The following SPECC1 variants were observed in gnomAD, a reference collection of about 807,000 sequenced individuals.
SPECC1 encodes the protein cytospin-B.
A neutral mutation model predicts 104.1 loss-of-function variants in SPECC1; 62 were observed. That is an observed-to-expected ratio of 0.60 (90% CI 0.49 to 0.74). The LOEUF (loss-of-function observed/expected upper bound fraction) is 0.74, where lower values mean the gene tolerates loss of function less well. Ranked by LOEUF, SPECC1 falls within the 30% of genes least tolerant of loss-of-function variation. The pLI is 0.00. For missense variants in SPECC1, 1,306 were observed against 1,310.5 expected, an observed-to-expected ratio of 1.00 and a Z score of 0.05; for synonymous variants, 513 against 501.6, an observed-to-expected ratio of 1.02 and a Z score of -0.30.
At chr17:20,156,045 G>C in intron 3 of SPECC1, 1 of 1,277,526 alleles carries the variant, frequency 7.8e-7, no homozygotes, top group South Asian at 2.5e-5. Flanking sequence ...TCCGCCGGCA[G>C]CTGCTGGGAA....
chr17:20,287,090 C>G (rs1365453045), intron 12 of SPECC1, among the ~76,000 whole-genome samples: 1 of 152,220 alleles, frequency 6.6e-6, no homozygotes, highest in Non-Finnish European at 1.5e-5. Flanking sequence ...CTCATAGCCT[C>G]TGTACGTGGT....
chr17:20,238,582 A>T, intron 7 of SPECC1: 1 of 1,043,010 alleles, frequency 9.6e-7, no homozygotes, highest in Non-Finnish European at 1.2e-6. Flanking sequence ...GACAGCACAG[A>T]ATCATTAGAA....
intron 1 of SPECC1, among the ~76,000 whole-genome samples, chr17:20,049,803 TTTTC>T (rs1483978583): frequency 2.6e-5 from 4 of 152,000 alleles, no homozygotes; most frequent in Admixed American, 6.6e-5. Context: ...CATTTTTTTC[TTTTC>T]TTTCTTTATT....
intron 2 of SPECC1, 126 bp downstream of exon 2, chr17:20,096,924 C>T: frequency 8.3e-7 from 1 of 1,200,928 alleles, no homozygotes; most frequent in East Asian, 2.4e-5. Flanking sequence ...GGAGGGGTCG[C>T]AGGAGGACCA....
chr17:20,246,994 G>A (rs1567981453), intron 8 of SPECC1, among the ~76,000 whole-genome samples: 1 of 152,024 alleles, frequency 6.6e-6, no homozygotes, highest in Non-Finnish European at 1.5e-5. Flanking sequence ...GTTTCTTTTT[G>A]CTCAGCTATC....
intron 12 of SPECC1, among the ~76,000 whole-genome samples, chr17:20,281,006 A>G (rs976325874): frequency 1.3e-5 from 2 of 152,188 alleles, no homozygotes; most frequent in African/African-American, 4.8e-5. Flanking sequence ...AGGAGGAAGG[A>G]GCGGGTCACA....
At chr17:20,308,860 T>A (rs1483754304) in intron 14 of SPECC1, among the ~76,000 whole-genome samples, 1 of 152,238 alleles carries the variant, frequency 6.6e-6, no homozygotes, top group African/African-American at 2.4e-5. Context: ...AGGATAAAGA[T>A]ACAATGAGAC....
At position 20,080,425 on chromosome 17, in the gene SPECC1, G is replaced by A. The variant is rs1044837207; in HGVS notation, c.-21-16206G>A. The stretch of plus-strand genomic sequence containing the variant: ...ATAAGCCAGCAACACATTACAACCC[G>A]GGGGATCAGAGGGTCCCTCTGAGAC... On this transcript the variant is annotated intron_variant, in intron 1 of 14. Coordinates refer to ENST00000395527, the MANE Select transcript of SPECC1 (RefSeq NM_001243439.2). 5.3e-5 allele frequency among the ~76,000 whole-genome samples: 8 copies of A among 152,034 alleles called. 1 individual carries two copies. Among genetic ancestry groups the A allele is most frequent in the Non-Finnish European group, 1.0e-4 (7 of 68,006 alleles).
At position 20,150,564 on chromosome 17, in the gene SPECC1, G is replaced by T. The variant is rs556573066; in HGVS notation, c.283+40002G>T. 1.1e-4 allele frequency among the ~76,000 whole-genome samples: 17 copies of T among 151,634 alleles called. 1 individual carries two copies. The highest frequency in any genetic ancestry group is 4.1e-4 in the African/African-American group (17 of 41,384). ...TGAGGCAGGAGAATCGCTTGAACTCGGGAGGCGGAGGTTGCAGTGAGCCGA... is the reference window on the plus strand; with the variant it reads ...TGAGGCAGGAGAATCGCTTGAACTCTGGAGGCGGAGGTTGCAGTGAGCCGA... On this transcript the variant is annotated intron_variant, in intron 3 of 14. Coordinates refer to ENST00000395527, the MANE Select transcript of SPECC1 (RefSeq NM_001243439.2).
At chr17:20,121,105 T>G (rs576838697) in intron 3 of SPECC1, among the ~76,000 whole-genome samples, 1 of 152,148 alleles carries the variant, frequency 6.6e-6, no homozygotes, top group Admixed American at 6.5e-5. Flanking sequence ...GGGGCTTCTA[T>G]TTTTGAGCCC....
intron 10 of SPECC1, among the ~76,000 whole-genome samples, chr17:20,254,933 A>G (rs1361753466): frequency 6.6e-6 from 1 of 152,142 alleles, no homozygotes; most frequent in Non-Finnish European, 1.5e-5. Flanking sequence ...AAACACTGAC[A>G]ATTGAGAATT....
At chr17:20,052,178 C>T (rs947206005) in intron 1 of SPECC1, among the ~76,000 whole-genome samples, 2 of 152,088 alleles carry the variant, frequency 1.3e-5, no homozygotes, top group African/African-American at 4.8e-5. Context: ...TATCATGTGC[C>T]TAGTAAGATG....
intron 3 of SPECC1, among the ~76,000 whole-genome samples, chr17:20,164,754 G>C (rs2033497548): frequency 6.6e-6 from 1 of 152,116 alleles, no homozygotes; most frequent in Non-Finnish European, 1.5e-5. Flanking sequence ...TCTTTCTGTA[G>C]CATGGACTTC....
intron 1 of SPECC1, among the ~76,000 whole-genome samples, chr17:20,087,967 G>A (rs1005329493): frequency 6.6e-6 from 1 of 152,158 alleles, no homozygotes; most frequent in Non-Finnish European, 1.5e-5. Flanking sequence ...TGAGGAGCTG[G>A]GGGGACATTC....
At chr17:20,084,360 C>T (rs2047096843) in intron 1 of SPECC1, among the ~76,000 whole-genome samples, 1 of 152,084 alleles carries the variant, frequency 6.6e-6, no homozygotes. Flanking sequence ...ACCTGGGAGG[C>T]AGAGGTTGCA....
intron 4 of SPECC1, among the ~76,000 whole-genome samples, chr17:20,212,650 G>C (rs957953174): frequency 2.6e-5 from 4 of 152,152 alleles, no homozygotes; most frequent in African/African-American, 7.2e-5. Flanking sequence ...GATTTAGGTG[G>C]GGAGGCAGCC....
At chr17:20,145,870 A>C (rs1378321277) in intron 3 of SPECC1, among the ~76,000 whole-genome samples, 1 of 152,208 alleles carries the variant, frequency 6.6e-6, no homozygotes, top group South Asian at 2.1e-4. Context: ...TTTAAGGTCT[A>C]GTTTATTATT....
intron 13 of SPECC1, among the ~76,000 whole-genome samples, chr17:20,301,475 A>G (rs1174683980): frequency 6.6e-6 from 1 of 152,004 alleles, no homozygotes; most frequent in Admixed American, 6.6e-5. Flanking sequence ...TAATGTTTGT[A>G]AAACTATTAA....
intron 1 of SPECC1, among the ~76,000 whole-genome samples, chr17:20,021,702 A>ATATATATTTTTT (rs1402960712): frequency 2.2e-5 from 3 of 139,274 alleles, no homozygotes; most frequent in African/African-American, 8.0e-5. Flanking sequence ...ATATATATAT[A>ATATATATTTTTT]TTTTTTTGTA....
Sources: allele counts gnomAD v4.1 joint callset (sites outside exome capture counted in the v4.1 genomes callset), GRCh38; gene constraint gnomAD v4.1.1; transcripts MANE v1.5; gene names NCBI Gene and HGNC (gene_info 2026-07-23, HGNC 2026-07-21).